Variants in FANCD2 observed in about 807,000 individuals in gnomAD.
The protein encoded by FANCD2 is FA complementation group D2, also known as Fanconi anemia group D2 protein.
A neutral mutation model predicts 192.3 loss-of-function variants in FANCD2; 131 were observed. The observed-to-expected ratio is 0.68, with a 90% CI of 0.59 to 0.79. FANCD2 has a LOEUF of 0.79. FANCD2 is among the 30% of genes least tolerant of loss of function. The probability of loss-of-function intolerance (pLI) is 0.00; values close to 1 mark genes in which losing one functional copy is unlikely to be tolerated. For synonymous variants in FANCD2, 524 were observed against 612.5 expected (o/e 0.86, Z 2.13); for missense variants, 1,508 against 1,701.6 (o/e 0.89, Z 2.00).
In FANCD2 at chr3:10,085,461, G is replaced by A. The variant is rs1694131870; in HGVS notation, c.3225-351G>A. Among the ~76,000 whole-genome samples, 4 of 146,760 alleles carry A rather than the reference G, an allele frequency of 2.7e-5. No individual in the cohort carries two copies. In the South Asian group the frequency reaches 6.4e-4, roughly 24 times the overall value. On this transcript the variant is annotated intron_variant, in intron 32 of 43. Coordinates refer to ENST00000675286, the MANE Select transcript of FANCD2 (RefSeq NM_001018115.3). Reference sequence around the variant, plus strand: ...GGCTGGAGTGCAGTGGCACAATCTCGGCTCACTGCAGCCTCCACCTCCCGA... The same window carrying A: ...GGCTGGAGTGCAGTGGCACAATCTCAGCTCACTGCAGCCTCCACCTCCCGA...
intron 5 of FANCD2, 109 bp downstream of exon 5, chr3:10,034,907 T>A: frequency 2.3e-6 from 2 of 852,476 alleles, no homozygotes; most frequent in Non-Finnish European, 3.9e-6. Flanking sequence ...TGGTGTAAGC[T>A]CTGTTTTCCT....
chr3:10,035,995 A>G (rs994716310), intron 6 of FANCD2, among the ~76,000 whole-genome samples: 1 of 152,030 alleles, frequency 6.6e-6, no homozygotes, highest in Admixed American at 6.6e-5. Flanking sequence ...AAAAATGAAG[A>G]CATATTCGTG....
intron 18 of FANCD2, among the ~76,000 whole-genome samples, chr3:10,057,661 C>T (rs1210147921): frequency 1.3e-5 from 2 of 152,132 alleles, no homozygotes; most frequent in Non-Finnish European, 2.9e-5. Flanking sequence ...CTGCTCCCGG[C>T]CTCCATTAAG....
At chr3:10,037,376 G>A (rs1236536000) in intron 7 of FANCD2, among the ~76,000 whole-genome samples, 1 of 152,134 alleles carries the variant, frequency 6.6e-6, no homozygotes. Flanking sequence ...GTAGTGAATA[G>A]GCATGCTTGT....
At chr3:10,046,055 CTT>C (rs57661428) in intron 14 of FANCD2, among the ~76,000 whole-genome samples, 13 of 124,322 alleles carry the variant, frequency 1.0e-4, no homozygotes, top group Admixed American at 2.4e-4. Context: ...GCTCTGTATT[CTT>C]TTTTTTTTTT....
chr3:10,035,029 C>T, intron 5 of FANCD2, 144 bp from the exon 6 acceptor site: 2 of 732,424 alleles, frequency 2.7e-6, no homozygotes, highest in South Asian at 3.3e-5. Flanking sequence ...TGCAAAGAGC[C>T]ATCTGCTCAT....
At chr3:10,034,428 TG>T in intron 3 of FANCD2, 40 bp from the exon 4 acceptor site, 1 of 1,441,860 alleles carries the variant, frequency 6.9e-7, no homozygotes, top group Non-Finnish European at 9.8e-7. Context: ...AGGAAAACTA[TG>T]GTAGGAAACT....
intron 39 of FANCD2, among the ~76,000 whole-genome samples, chr3:10,093,581 G>C (rs765268017): frequency 6.6e-6 from 1 of 152,176 alleles, no homozygotes; most frequent in Non-Finnish European, 1.5e-5. Context: ...TTGAGTTTAG[G>C]AGCAGTAGTT....
chr3:10,059,879 A>G (rs2087514830), intron 18 of FANCD2, among the ~76,000 whole-genome samples: 1 of 152,018 alleles, frequency 6.6e-6, no homozygotes, highest in African/African-American at 2.4e-5. Flanking sequence ...GACTTGCTAA[A>G]GACACACAGG....
chr3:10,089,049 G>A, intron 36 of FANCD2, 99 bp downstream of exon 36: 1 of 1,319,084 alleles, frequency 7.6e-7, no homozygotes, highest in Admixed American at 1.7e-5. Context: ...TTGGGAGGCT[G>A]AGGCAGGAGG....
Position 10,047,987 on chromosome 3 carries a change from T to G in FANCD2, c.1349T>G (p.Ile450Arg), listed in dbSNP as rs549790164. The change falls in exon 16 of 44, where the codon ATA (isoleucine) becomes AGA (arginine). Residue 450 changes from isoleucine to arginine, a missense_variant. This residue lies in a region of FANCD2 where 108 missense variants were observed against 174.1 expected (regional missense o/e 0.62). Transcript: ENST00000675286. The stretch of plus-strand genomic sequence containing the variant: ...TTGCTTCACTCTCTAGACCAGAGTA[T>G]AATTTCATTTGGCAGTCTCCTATAC... ...QSLLHSLDQSIISFGSLLYKY... is the reference protein window; with the variant it reads ...QSLLHSLDQSRISFGSLLYKY... 2.0e-5 allele frequency: 32 copies of G among 1,614,012 alleles called. No individual in the cohort carries two copies. Among genetic ancestry groups the G allele is most frequent in the Non-Finnish European group, 2.5e-5 (29 of 1,180,052 alleles).
intron 26 of FANCD2, among the ~76,000 whole-genome samples, chr3:10,069,005 T>G (rs751154253): frequency 6.6e-6 from 1 of 152,186 alleles, no homozygotes; most frequent in Non-Finnish European, 1.5e-5. Context: ...GATTATAGAC[T>G]TAAATCTAAG....
chr3:10,078,818 C>G (rs919056878), intron 30 of FANCD2, among the ~76,000 whole-genome samples: 2 of 151,392 alleles, frequency 1.3e-5, no homozygotes, highest in Admixed American at 1.3e-4. Context: ...ACAAAAAGAA[C>G]TAGCCGGGCA....
At position 10,092,237 on chromosome 3, in the gene FANCD2, C is replaced by T. The variant is rs1694658044; in HGVS notation, c.3834C>T (p.Leu1278=). The T allele has an allele frequency of 6.2e-7, 1 of 1,613,068 alleles. No homozygotes were observed. The highest frequency in any genetic ancestry group is 8.5e-7 in the Non-Finnish European group (1 of 1,179,042). The change falls in exon 38 of 44, where the codon CTC becomes CTT. Residue 1278 remains leucine (L), a synonymous_variant. Transcript: ENST00000675286. The part of the protein sequence containing the change: ...WNMAVRDFSI[L]INLIKVFDSH... ...TGGCTGTTCGAGACTTCAGTATCCT[C>T]ATCAACTTGATAAAGGTGAGTATGG...
intron 18 of FANCD2, among the ~76,000 whole-genome samples, chr3:10,054,418 C>T (rs1351703446): frequency 9.1e-5 from 6 of 66,134 alleles, no homozygotes; most frequent in Admixed American, 4.0e-4. Context: ...TACGTATATA[C>T]ATATATACAT....
chr3:10,034,372 A>C, intron 3 of FANCD2, 97 bp from the exon 4 acceptor site: 1 of 791,838 alleles, frequency 1.3e-6, no homozygotes, highest in Non-Finnish European at 2.2e-6. Context: ...TAGGTTGAAA[A>C]TATTTTTATT....
Position 10,040,494 on chromosome 3 carries a change from A to G in FANCD2, c.695+649A>G. 3 of 456,686 alleles carry G rather than the reference A, an allele frequency of 6.6e-6. 1 individual carries two copies. Among genetic ancestry groups the G allele is most frequent in the South Asian group, 3.1e-5 (2 of 64,572 alleles). The allele number at this position is 456,686 out of a possible 1,614,324, so 28.3% of individuals were successfully genotyped here. On this transcript the variant is annotated intron_variant, in intron 9 of 43. Coordinates refer to ENST00000675286, the MANE Select transcript of FANCD2 (RefSeq NM_001018115.3). ...TTAACCCTGGCTGCACATTAAAATCATTTGTGGAGCCTATTAAACATCTAC... is the reference window on the plus strand; with the variant it reads ...TTAACCCTGGCTGCACATTAAAATCGTTTGTGGAGCCTATTAAACATCTAC...
At chr3:10,027,030 C>A (rs1228345163) in intron 1 of FANCD2, among the ~76,000 whole-genome samples, 1 of 152,178 alleles carries the variant, frequency 6.6e-6, no homozygotes, top group Non-Finnish European at 1.5e-5. Context: ...ATGGTACCCA[C>A]CTCAAAAAGT....
chr3:10,051,108 C>T (rs1270057423), intron 17 of FANCD2, among the ~76,000 whole-genome samples: 2 of 149,780 alleles, frequency 1.3e-5, no homozygotes, highest in Admixed American at 6.7e-5. Context: ...AGGCCGGGCG[C>T]GGTGGCTCAC....
Sources: gnomAD v4.1 joint callset for allele counts (sites outside exome capture counted in the v4.1 genomes callset) on GRCh38, gnomAD v4.1.1 for gene constraint, gnomAD v4.1.1 regional missense constraint, MANE v1.5 for transcripts, NCBI Gene and HGNC (gene_info 2026-07-23, HGNC 2026-07-21) for gene names.